GULP1: variants seen among roughly 807,000 people sequenced by gnomAD.
GULP1 encodes GULP PTB domain containing engulfment adaptor 1, also known as PTB domain-containing engulfment adapter protein 1.
Under a neutral mutation model 40.9 loss-of-function variants are expected in GULP1, and 19 were observed. The ratio of observed to expected loss-of-function variants is 0.46; its 90% CI spans 0.32 to 0.68. The LOEUF (loss-of-function observed/expected upper bound fraction) is 0.68. Among genes scored for constraint, GULP1 ranks in the 30% least tolerant of loss-of-function variants. The pLI is 0.03. For missense variants in GULP1, 312 were observed against 362.2 expected, an observed-to-expected ratio of 0.86 and a Z score of 1.12; for synonymous variants, 119 against 117.6, an observed-to-expected ratio of 1.01 and a Z score of -0.08.
At chr2:188,438,123 G>A (rs1034849616) in intron 2 of GULP1, among the ~76,000 whole-genome samples, 1 of 152,050 alleles carries the variant, frequency 6.6e-6, no homozygotes, top group African/African-American at 2.4e-5. Flanking sequence ...CAAACGCAGT[G>A]ATGGGAGTTC....
In GULP1 at chr2:188,470,794, T is replaced by A. The variant is rs188832062; in HGVS notation, c.-44-6865T>A. Reference sequence around the variant, plus strand: ...GAGAAGATGCTAGATATTATTTCAGTTTTTTGAATATTTTAAACTGTTTTG... The same window carrying A: ...GAGAAGATGCTAGATATTATTTCAGATTTTTGAATATTTTAAACTGTTTTG... On this transcript the variant is annotated intron_variant, in intron 2 of 11. Transcript: ENST00000409830. 2.8e-3 allele frequency among the ~76,000 whole-genome samples: 430 copies of A among 152,264 alleles called. 2 individuals are homozygous for A. The highest frequency in any genetic ancestry group is 1.0e-2 in the African/African-American group (414 of 41,570).
At chr2:188,591,531 A>G (rs1703549886) in intron 11 of GULP1, 1 of 151,928 alleles carries the variant, frequency 6.6e-6, no homozygotes, top group African/African-American at 2.4e-5. Context: ...TTTTTTTCAA[A>G]TCAACGTAAA....
intron 2 of GULP1, among the ~76,000 whole-genome samples, chr2:188,458,373 C>G (rs2152951359): frequency 6.6e-6 from 1 of 152,266 alleles, no homozygotes; most frequent in East Asian, 1.9e-4. Flanking sequence ...ATCTCACCCT[C>G]CATTTCCTAC....
intron 2 of GULP1, among the ~76,000 whole-genome samples, chr2:188,444,050 C>T (rs969114673): frequency 6.6e-6 from 1 of 152,024 alleles, no homozygotes; most frequent in South Asian, 2.1e-4. Flanking sequence ...CAGTTCCTAG[C>T]GTCTTCTTCT....
intron 1 of GULP1, among the ~76,000 whole-genome samples, chr2:188,315,381 T>C (rs557657425): frequency 6.6e-6 from 1 of 152,266 alleles, no homozygotes; most frequent in African/African-American, 2.4e-5. Context: ...TTTGGTGTTA[T>C]CCTTGGTTTC....
chr2:188,455,283 A>C (rs1040619672), intron 2 of GULP1, among the ~76,000 whole-genome samples: 1 of 152,174 alleles, frequency 6.6e-6, no homozygotes, highest in African/African-American at 2.4e-5. Flanking sequence ...AAATATTCCC[A>C]AAACAGTAAA....
At chr2:188,313,888 T>C (rs2038621911) in intron 1 of GULP1, among the ~76,000 whole-genome samples, 1 of 152,064 alleles carries the variant, frequency 6.6e-6, no homozygotes. Context: ...AATTGGTATA[T>C]AGTTCTCCTT....
intron 6 of GULP1, among the ~76,000 whole-genome samples, chr2:188,539,250 C>G (rs1374801683): frequency 2.6e-5 from 4 of 151,922 alleles, no homozygotes; most frequent in Non-Finnish European, 5.9e-5. Flanking sequence ...AATTTTTTTC[C>G]TATAGTGTTT....
At chr2:188,450,273 G>C (rs568733604) in intron 2 of GULP1, among the ~76,000 whole-genome samples, 1 of 152,030 alleles carries the variant, frequency 6.6e-6, no homozygotes, top group Non-Finnish European at 1.5e-5. Context: ...ACATTTGTTT[G>C]TTGTCTAATT....
chr2:188,564,217 T>G (rs1276239767), intron 7 of GULP1, among the ~76,000 whole-genome samples: 1 of 151,934 alleles, frequency 6.6e-6, no homozygotes, highest in African/African-American at 2.4e-5. Flanking sequence ...AGGATGTCCA[T>G]TCTTACTACC....
chr2:188,345,972 T>C (rs72907686), intron 1 of GULP1, among the ~76,000 whole-genome samples: 3 of 152,232 alleles, frequency 2.0e-5, no homozygotes, highest in South Asian at 4.1e-4. Flanking sequence ...GAATTTATAG[T>C]TTAATGCCAT....
intron 1 of GULP1, among the ~76,000 whole-genome samples, chr2:188,300,278 A>C: frequency 6.6e-6 from 1 of 152,164 alleles, no homozygotes; most frequent in East Asian, 1.9e-4. Context: ...TTTATTTTTC[A>C]TATATAAAGA....
At chr2:188,492,450 T>A (rs2062485492) in intron 4 of GULP1, among the ~76,000 whole-genome samples, 1 of 152,014 alleles carries the variant, frequency 6.6e-6, no homozygotes, top group Non-Finnish European at 1.5e-5. Context: ...TTTAAAAAAA[T>A]AGCATTTAAC....
At chr2:188,326,934 G>A (rs941402548) in intron 1 of GULP1, among the ~76,000 whole-genome samples, 1 of 152,104 alleles carries the variant, frequency 6.6e-6, no homozygotes, top group Non-Finnish European at 1.5e-5. Flanking sequence ...GCATCGGTCT[G>A]TGGTGGAGAG....
chr2:188,499,512 C>T (rs1366662132), intron 4 of GULP1, among the ~76,000 whole-genome samples: 1 of 151,598 alleles, frequency 6.6e-6, no homozygotes, highest in East Asian at 1.9e-4. Flanking sequence ...TGTCATGTCT[C>T]TGCTAAATAT....
At chr2:188,406,056 T>G (rs1367372927) in intron 2 of GULP1, among the ~76,000 whole-genome samples, 1 of 152,220 alleles carries the variant, frequency 6.6e-6, no homozygotes, top group Non-Finnish European at 1.5e-5. Flanking sequence ...TGTTAAGCAA[T>G]TTCATCCTTG....
chr2:188,547,506 A>G (rs1692285385), intron 7 of GULP1, among the ~76,000 whole-genome samples: 1 of 152,136 alleles, frequency 6.6e-6, no homozygotes, highest in African/African-American at 2.4e-5. Context: ...AAGGGCAGGA[A>G]GCATCCAGCA....
intron 4 of GULP1, among the ~76,000 whole-genome samples, chr2:188,490,577 A>G (rs937308320): frequency 6.6e-6 from 1 of 152,212 alleles, no homozygotes; most frequent in South Asian, 2.1e-4. Flanking sequence ...CACAGGGGCC[A>G]CATGTCTAAG....
At chr2:188,345,908 C>T (rs1187775994) in intron 1 of GULP1, among the ~76,000 whole-genome samples, 1 of 152,174 alleles carries the variant, frequency 6.6e-6, no homozygotes, top group Non-Finnish European at 1.5e-5. Context: ...CTGAATGTGT[C>T]ACTCTGTCTG....
Sources: gnomAD v4.1 joint callset for allele counts (sites outside exome capture counted in the v4.1 genomes callset) on GRCh38, gnomAD v4.1.1 for gene constraint, MANE v1.5 for transcripts, NCBI Gene and HGNC (gene_info 2026-07-23, HGNC 2026-07-21) for gene names.